The following DRD2 variants were observed in gnomAD, a reference collection of about 807,000 sequenced individuals.
DRD2 encodes the protein dopamine receptor D2.
In DRD2, 8 loss-of-function variants were observed where a neutral mutation model predicts 38.0. The observed-to-expected ratio is 0.21, with a 90% CI of 0.12 to 0.38. DRD2 has a LOEUF of 0.38. DRD2 is among the 10% of genes least tolerant of loss of function. The pLI, the probability that DRD2 is intolerant of heterozygous loss-of-function variation, is 1.00. For synonymous variants in DRD2, 230 were observed against 238.6 expected, an observed-to-expected ratio of 0.96 and a Z score of 0.33; for missense variants, 403 against 607.7, an observed-to-expected ratio of 0.66 and a Z score of 3.54.
intron 3 of DRD2, among the ~76,000 whole-genome samples, chr11:113,417,295 A>T (rs1950837260): frequency 6.6e-6 from 1 of 152,196 alleles, no homozygotes; most frequent in Non-Finnish European, 1.5e-5. Context: ...CATGGCCTGC[A>T]TCTTTGCACT....
rs752296997 is a variant in DRD2, at chr11:113,410,778, G to A, written c.1281C>T (p.Thr427=). 11 of 1,614,106 alleles carry A rather than the reference G, an allele frequency of 6.8e-6. No individual in the cohort carries two copies. Among genetic ancestry groups the A allele is most frequent in the African/African-American group, 2.7e-5 (2 of 74,930 alleles). ...CCTTGCGGAACTCAATGTTGAAGGT[G>A]GTGTAGATGATGGGGTTCACGGCGC... ...VNSAVNPIIY[T]TFNIEFRKAF... Residue 427 remains threonine (T), a synonymous_variant, in exon 8 of 8, where the codon ACC becomes ACT. Transcript: ENST00000362072.
At chr11:113,459,600 C>T (rs1951298748) in intron 1 of DRD2, among the ~76,000 whole-genome samples, 1 of 152,058 alleles carries the variant, frequency 6.6e-6, no homozygotes, top group South Asian at 2.1e-4. Flanking sequence ...GGTGGATCTC[C>T]TGGAGGCAGA....
At chr11:113,429,200 T>C (rs1950964711) in intron 1 of DRD2, among the ~76,000 whole-genome samples, 2 of 152,232 alleles carry the variant, frequency 1.3e-5, no homozygotes, top group East Asian at 1.9e-4. Context: ...GTAACCCCTA[T>C]AAGTACCTTG....
chr11:113,465,414 GT>G (rs1250799420), intron 1 of DRD2, among the ~76,000 whole-genome samples: 5 of 77,020 alleles, frequency 6.5e-5, no homozygotes, highest in Non-Finnish European at 1.3e-4. Flanking sequence ...TGTTGTTGTT[GT>G]TTGTTTGTTT....
chr11:113,435,170 C>T (rs1452640959), intron 1 of DRD2, among the ~76,000 whole-genome samples: 1 of 152,184 alleles, frequency 6.6e-6, no homozygotes, highest in Non-Finnish European at 1.5e-5. Flanking sequence ...CCAGGGTCTG[C>T]AGCGGGGTGA....
rs1950994191 is a variant in DRD2 at position 113,432,288 on chromosome 11, T to TTCTCTTTCTCTC, written c.-31-7607_-31-7606insGAGAGAAAGAGA. On this transcript the variant is annotated intron_variant, in intron 1 of 7. Transcript: ENST00000362072. Reference sequence around the variant, plus strand: ...GAGAGGATTTTCTCTGATCCTCTCTTTCTCTCTCTCTCTCTCTCTCTCTCT... The same window carrying TTCTCTTTCTCTC: ...GAGAGGATTTTCTCTGATCCTCTCTTTCTCTTTCTCTCTCTCTCTCTCTCTCTCTCTCTCTCT... Among the ~76,000 whole-genome samples, 17 of 136,372 alleles carry TTCTCTTTCTCTC rather than the reference T, an allele frequency of 1.2e-4. 1 individual carries two copies. In the South Asian group the frequency reaches 3.0e-3, roughly 24 times the overall value. 89.5% of individuals were successfully genotyped at this position (136,372 alleles called of 152,430 possible). A position where few individuals can be genotyped will look rare whatever the true frequency, so the allele number is the denominator to read the frequency against.
At chr11:113,441,435 G>A (rs1327930187) in intron 1 of DRD2, among the ~76,000 whole-genome samples, 1 of 152,098 alleles carries the variant, frequency 6.6e-6, no homozygotes, top group Non-Finnish European at 1.5e-5. Flanking sequence ...GGATTTGTTG[G>A]GCTCACATAG....
intron 1 of DRD2, among the ~76,000 whole-genome samples, chr11:113,466,843 G>C (rs1951374824): frequency 6.6e-6 from 1 of 152,198 alleles, no homozygotes; most frequent in African/African-American, 2.4e-5. Flanking sequence ...TCTGCTTCAA[G>C]GAGCTCATGG....
chr11:113,457,457 A>G (rs190370384), intron 1 of DRD2, among the ~76,000 whole-genome samples: 37 of 152,070 alleles, frequency 2.4e-4, no homozygotes, highest in Admixed American at 2.2e-3. Context: ...TACAAAGTTT[A>G]TAGTACTTCT....
chr11:113,457,567 C>G (rs1951278953), intron 1 of DRD2, among the ~76,000 whole-genome samples: 2 of 152,052 alleles, frequency 1.3e-5, no homozygotes, highest in South Asian at 4.2e-4. Flanking sequence ...AATCCCCTCT[C>G]CATTACCACC....
Position 113,458,768 on chromosome 11 carries a change from A to G in DRD2, c.-32+16308T>C, listed in dbSNP as rs534000786. Among the ~76,000 whole-genome samples the G allele has an allele frequency of 1.3e-3, 193 of 152,338 alleles. 1 individual carries two copies. The highest frequency in any genetic ancestry group is 4.4e-3 in the African/African-American group (182 of 41,580). On this transcript the variant is annotated intron_variant, in intron 1 of 7. Transcript: ENST00000362072. ...TTAAAAGCAGTCTCCAACTTACCCA[A>G]GTTCTAAAATTTTGGAATATATTCA...
chr11:113,422,557 G>A (rs1950895988), intron 2 of DRD2, among the ~76,000 whole-genome samples: 1 of 152,174 alleles, frequency 6.6e-6, no homozygotes, highest in South Asian at 2.1e-4. Flanking sequence ...CATAAACATG[G>A]ATCCAGGGGG....
At chr11:113,474,540 C>G (rs1272695700) in intron 1 of DRD2, 1 of 152,314 alleles carries the variant, frequency 6.6e-6, no homozygotes, top group Non-Finnish European at 1.5e-5. Context: ...GCGGGAGAAT[C>G]CAGCCAGAAT....
At position 113,424,535 on chromosome 11, in the gene DRD2, T is replaced by C. The variant is rs558639823; in HGVS notation, c.117A>G (p.Thr39=). The part of the protein sequence containing the change: ...ADRPHYNYYA[T]LLTLLIAVIV... ...TGACAGCGATGAGCAGGGTGAGCAG[T>C]GTGGCATAGTAGTTGTAGTGGGGTC... Residue 39 remains threonine, a synonymous_variant, in exon 2 of 8, where the codon ACA becomes ACG. Transcript: ENST00000362072. 24 of 1,614,108 alleles carry C rather than the reference T, an allele frequency of 1.5e-5. No homozygotes were observed. The African/African-American group carries it at 3.1e-4, about 21-fold the overall frequency.
At chr11:113,419,897 G>T (rs1010828166) in intron 2 of DRD2, among the ~76,000 whole-genome samples, 3 of 152,236 alleles carry the variant, frequency 2.0e-5, no homozygotes, top group Admixed American at 2.0e-4. Flanking sequence ...CTCTCATGCG[G>T]CACTGTCTTC....
intron 2 of DRD2, among the ~76,000 whole-genome samples, chr11:113,418,526 T>C (rs2138168661): frequency 6.6e-6 from 1 of 152,284 alleles, no homozygotes; most frequent in Middle Eastern, 3.4e-3. Flanking sequence ...TCTTCTCTGA[T>C]CCTGATATTC....
intron 2 of DRD2, among the ~76,000 whole-genome samples, chr11:113,421,784 C>T (rs529542855): frequency 9.2e-5 from 14 of 152,242 alleles, no homozygotes; most frequent in East Asian, 3.9e-4. Context: ...CAGGGTGAGA[C>T]GTCACCTGGG....
At chr11:113,469,525 T>C (rs759722389) in intron 1 of DRD2, among the ~76,000 whole-genome samples, 1 of 152,222 alleles carries the variant, frequency 6.6e-6, no homozygotes, top group Non-Finnish European at 1.5e-5. Flanking sequence ...ACATGAAACG[T>C]GTGACCTTGT....
chr11:113,473,895 T>C (rs1261877614), intron 1 of DRD2, among the ~76,000 whole-genome samples: 3 of 152,156 alleles, frequency 2.0e-5, no homozygotes, highest in African/African-American at 7.2e-5. Context: ...TGAAGCAGGG[T>C]GGGAGTGGGG....
Sources: gnomAD v4.1 joint callset for allele counts (sites outside exome capture counted in the v4.1 genomes callset) on GRCh38, gnomAD v4.1.1 for gene constraint, MANE v1.5 for transcripts, NCBI Gene and HGNC (gene_info 2026-07-23, HGNC 2026-07-21) for gene names.